RNGTT: variants seen among roughly 807,000 people sequenced by gnomAD.
RNGTT encodes mRNA-capping enzyme.
Under a neutral mutation model 79.3 loss-of-function variants are expected in RNGTT, and 33 were observed. The observed-to-expected ratio is 0.42, with a 90% confidence interval of 0.32 to 0.56. The LOEUF (loss-of-function observed/expected upper bound fraction) is 0.56, where lower values mean the gene tolerates loss of function less well. RNGTT is among the 20% of genes least tolerant of loss of function. RNGTT has a pLI of 0.17. For synonymous variants in RNGTT, 222 were observed against 235.9 expected, an observed-to-expected ratio of 0.94 and a Z score of 0.54; for missense variants, 497 against 739.1, an observed-to-expected ratio of 0.67 and a Z score of 3.80.
intron 8 of RNGTT, among the ~76,000 whole-genome samples, chr6:88,886,832 A>AT (rs2127931858): frequency 6.6e-6 from 1 of 152,216 alleles, no homozygotes; most frequent in Admixed American, 6.5e-5. Context: ...AATAACTTTC[A>AT]TATTTCTGTT....
At chr6:88,801,168 C>G (rs1160651364) in intron 12 of RNGTT, among the ~76,000 whole-genome samples, 1 of 152,130 alleles carries the variant, frequency 6.6e-6, no homozygotes, top group Non-Finnish European at 1.5e-5. Flanking sequence ...CAGTAAACTA[C>G]AGCAAAATGA....
intron 11 of RNGTT, among the ~76,000 whole-genome samples, chr6:88,840,587 C>T (rs1455799174): frequency 1.3e-5 from 2 of 152,032 alleles, no homozygotes; most frequent in Non-Finnish European, 2.9e-5. Flanking sequence ...TTTGTAGAGA[C>T]AGGGTTTTGC....
At chr6:88,764,450 T>C (rs1417614043) in intron 13 of RNGTT, among the ~76,000 whole-genome samples, 3 of 152,170 alleles carry the variant, frequency 2.0e-5, no homozygotes, top group Admixed American at 2.0e-4. Context: ...CTATTAGAGA[T>C]TTTTAGAATA....
chr6:88,909,580 C>T (rs1783767155), intron 4 of RNGTT, among the ~76,000 whole-genome samples: 1 of 152,124 alleles, frequency 6.6e-6, no homozygotes, highest in Admixed American at 6.5e-5. Context: ...CACCAAAGCC[C>T]CACACAGAGC....
intron 1 of RNGTT, among the ~76,000 whole-genome samples, chr6:88,946,643 C>CCTCTCCCTCTCCCTCTCT (rs1245819417): frequency 2.0e-5 from 3 of 151,524 alleles, no homozygotes; most frequent in African/African-American, 4.9e-5. Flanking sequence ...TCTCCCTCTC[C>CCTCTCCCTCTCCCTCTCT]CTCTCCCTCT....
At chr6:88,895,453 G>A (rs930877481) in intron 6 of RNGTT, among the ~76,000 whole-genome samples, 1 of 152,078 alleles carries the variant, frequency 6.6e-6, no homozygotes, top group South Asian at 2.1e-4. Context: ...TAAAGAAGGT[G>A]TCTTAGGAAT....
At chr6:88,938,856 TC>T (rs1209829648) in intron 2 of RNGTT, among the ~76,000 whole-genome samples, 1 of 152,194 alleles carries the variant, frequency 6.6e-6, no homozygotes, top group Non-Finnish European at 1.5e-5. Flanking sequence ...ACTTTATTTC[TC>T]CTTCATTTAT....
chr6:88,737,712 A>T (rs1029682386), intron 13 of RNGTT, among the ~76,000 whole-genome samples: 3 of 152,176 alleles, frequency 2.0e-5, no homozygotes, highest in African/African-American at 7.2e-5. Flanking sequence ...CCGCGACTCA[A>T]GGGGCAGAAC....
At chr6:88,626,259 G>A (rs1385489022) in intron 14 of RNGTT, among the ~76,000 whole-genome samples, 1 of 151,928 alleles carries the variant, frequency 6.6e-6, no homozygotes, top group African/African-American at 2.4e-5. Flanking sequence ...ATTTGCATGA[G>A]GATACAGAGC....
chr6:88,698,258 T>TC (rs1475331105), intron 13 of RNGTT, among the ~76,000 whole-genome samples: 5 of 93,482 alleles, frequency 5.3e-5, no homozygotes, highest in African/African-American at 2.7e-4. Flanking sequence ...AATATATATA[T>TC]AAATATATAT....
intron 8 of RNGTT, among the ~76,000 whole-genome samples, chr6:88,873,650 CAT>C (rs1246037482): frequency 1.3e-5 from 2 of 152,144 alleles, no homozygotes; most frequent in African/African-American, 4.8e-5. Flanking sequence ...GGTGAAATTA[CAT>C]ATGTTTTTCG....
chr6:88,650,194 G>A (rs1363444563), intron 14 of RNGTT, among the ~76,000 whole-genome samples: 1 of 152,030 alleles, frequency 6.6e-6, no homozygotes, highest in African/African-American at 2.4e-5. Context: ...TCCTTGTGTG[G>A]CTATTCCTCT....
chr6:88,706,129 A>G (rs992333252), intron 13 of RNGTT, among the ~76,000 whole-genome samples: 14 of 152,092 alleles, frequency 9.2e-5, no homozygotes, highest in African/African-American at 3.4e-4. Context: ...CTTTAAGAAA[A>G]AATTAAGATA....
At chr6:88,811,544 C>T (rs954239882) in intron 11 of RNGTT, among the ~76,000 whole-genome samples, 2 of 151,986 alleles carry the variant, frequency 1.3e-5, no homozygotes, top group African/African-American at 2.4e-5. Context: ...ATGCAAAAGG[C>T]TTGACATTAG....
intron 13 of RNGTT, among the ~76,000 whole-genome samples, chr6:88,718,513 AT>A (rs1017910042): frequency 6.6e-6 from 1 of 152,166 alleles, no homozygotes; most frequent in African/African-American, 2.4e-5. Context: ...ATTAAAAAAA[AT>A]AAAGTAGTGT....
chr6:88,931,694 A>G (rs1034289594), intron 2 of RNGTT, among the ~76,000 whole-genome samples: 3 of 152,224 alleles, frequency 2.0e-5, no homozygotes, highest in African/African-American at 7.2e-5. Flanking sequence ...TATGCATATT[A>G]CTGGAGGCTT....
At chr6:88,645,441 T>G (rs567794240) in intron 14 of RNGTT, among the ~76,000 whole-genome samples, 1 of 152,180 alleles carries the variant, frequency 6.6e-6, no homozygotes, top group African/African-American at 2.4e-5. Context: ...AAGTAATTTA[T>G]AGATTCAATG....
chr6:88,611,557 T>C lies in RNGTT; in HGVS notation c.*1162A>G, dbSNP rs1213451229. 2 of 152,386 alleles carry C rather than the reference T, an allele frequency of 1.3e-5. No individual in the cohort carries two copies. 9.4% of individuals were successfully genotyped at this position (152,386 alleles called of 1,614,324 possible). On this transcript the variant is annotated 3_prime_UTR_variant, in exon 16 of 16. Coordinates refer to ENST00000369485, the MANE Select transcript of RNGTT (RefSeq NM_003800.5). ...GCCCTTTAAATCCATTATCTATCAG[T>C]AAACATTTTAAAATTCAGATGTATA...
At chr6:88,774,103 T>A (rs1011627920) in intron 12 of RNGTT, among the ~76,000 whole-genome samples, 1 of 152,158 alleles carries the variant, frequency 6.6e-6, no homozygotes, top group African/African-American at 2.4e-5. Context: ...CCAGAATATA[T>A]TGTTAAAATG....
Sources: allele counts gnomAD v4.1 joint callset (sites outside exome capture counted in the v4.1 genomes callset), GRCh38; gene constraint gnomAD v4.1.1; transcripts MANE v1.5; gene names NCBI Gene and HGNC (gene_info 2026-07-23, HGNC 2026-07-21).